The following DCTN3 variants were observed in gnomAD, a reference collection of about 807,000 sequenced individuals.
The protein encoded by DCTN3 is dynactin 3 (p22).
In DCTN3, 25 loss-of-function variants were observed where a neutral mutation model predicts 28.4. That is an observed-to-expected ratio of 0.88 (90% CI 0.64 to 1.23). The LOEUF is 1.23. DCTN3 is among the 50% of genes most tolerant of loss of function. The probability of loss-of-function intolerance (pLI) is 0.00; values close to 1 mark genes in which losing one functional copy is unlikely to be tolerated. For synonymous variants in DCTN3, 81 were observed against 91.4 expected (o/e 0.89, Z 0.65); for missense variants, 229 against 232.0 (o/e 0.99, Z 0.08).
intron 4 of DCTN3, 82 bp from the exon 5 acceptor site, chr9:34,614,850 G>T: frequency 6.5e-7 from 1 of 1,545,192 alleles, no homozygotes; most frequent in Non-Finnish European, 8.9e-7. Context: ...TCTTTGGCAG[G>T]ATTAGAGTAT....
chr9:34,620,168 C>T lies in DCTN3; in HGVS notation c.96+201G>A, dbSNP rs767055949. On this transcript the variant is annotated intron_variant, in intron 1 of 6. Transcript: ENST00000259632. ...AGCTACAGTAGGTACGGAGCCCACT[C>T]TCAGGCTGGCTTAACCACCCGCAGA... 4.5e-4 allele frequency among the ~76,000 whole-genome samples: 69 copies of T among 152,330 alleles called. No homozygotes were observed. Among genetic ancestry groups the T allele is most frequent in the Non-Finnish European group, 7.5e-4 (51 of 68,030 alleles).
intron 5 of DCTN3, 181 bp from the exon 6 acceptor site, chr9:34,614,282 C>T: frequency 7.0e-7 from 1 of 1,436,950 alleles, no homozygotes; most frequent in Non-Finnish European, 9.4e-7. Flanking sequence ...GGTGCCCTAA[C>T]AGCAGTCCAA....
In DCTN3 at chr9:34,618,734, C is replaced by A; in HGVS notation, c.123G>T (p.Gln41His). 6.2e-7 allele frequency: 1 copy of A among 1,614,200 alleles called. No individual in the cohort carries two copies. The highest frequency in any genetic ancestry group is 8.5e-7 in the Non-Finnish European group (1 of 1,180,024). Residue 41 changes from glutamine to histidine, a missense_variant, in exon 2 of 7, where the codon CAG becomes CAT. Gln to His is a conservative substitution (Grantham distance 24). Transcript: ENST00000259632. Reference protein sequence around the residue: ...RKVADGLVKVQVALGNISSKR... With the variant: ...RKVADGLVKVHVALGNISSKR... Reference sequence around the variant, plus strand: ...TGCTGGAAATGTTCCCCAAAGCCACCTGCACCTTGACCAGGCCGTCAGCCA... The same window carrying A: ...TGCTGGAAATGTTCCCCAAAGCCACATGCACCTTGACCAGGCCGTCAGCCA...
At chr9:34,615,846 A>G in intron 4 of DCTN3, 184 bp downstream of exon 4, 2 of 455,500 alleles carry the variant, frequency 4.4e-6, no homozygotes, top group Non-Finnish European at 7.9e-6. Flanking sequence ...GGTTGCAGTG[A>G]GTCAAGATCA....
intron 4 of DCTN3, chr9:34,615,012 A>G: frequency 3.7e-6 from 2 of 534,714 alleles, no homozygotes; most frequent in Admixed American, 3.4e-5. Context: ...TGGGGTTCCC[A>G]GTGTTGCTCC....
At chr9:34,620,286 TG>T in intron 1 of DCTN3, 82 bp downstream of exon 1, 1 of 1,204,658 alleles carries the variant, frequency 8.3e-7, no homozygotes. Flanking sequence ...AGAACAGGAC[TG>T]GAGCGGTTGC....
Position 34,620,434 on chromosome 9 carries a change from G to C in DCTN3, c.31C>G (p.Gln11Glu), listed in dbSNP as rs1355199599. The change falls in exon 1 of 7, where the codon CAG (glutamine) becomes GAG (glutamate). Residue 11 changes from glutamine (Q) to glutamate (E), a missense_variant. Gln to Glu is a conservative substitution (Grantham distance 29). Coordinates refer to ENST00000259632, the MANE Select transcript of DCTN3 (RefSeq NM_007234.5). ...CGCTCCAGCTCTTCCACTCGGGCCT[G>C]TAGCCGCTGCAAGTCAGTCAGACCC... is the stretch of plus-strand genomic sequence containing the variant. Reference protein sequence around the residue: MAGLTDLQRLQARVEELERWV... With the variant: MAGLTDLQRLEARVEELERWV... The C allele has an allele frequency of 1.3e-6, 2 of 1,557,970 alleles. No individual in the cohort carries two copies. Among genetic ancestry groups the C allele is most frequent in the Non-Finnish European group, 1.7e-6 (2 of 1,151,666 alleles).
At chr9:34,620,317 T>C (rs371035894) in intron 1 of DCTN3, 52 bp downstream of exon 1, 8 of 1,542,186 alleles carry the variant, frequency 5.2e-6, no homozygotes, top group East Asian at 2.3e-5. Flanking sequence ...GCCAGGACAG[T>C]GGACCGCTCT....
chr9:34,613,749 T>A lies in DCTN3; in HGVS notation c.*33A>T. 1 of 1,612,458 alleles carries A rather than the reference T, an allele frequency of 6.2e-7. No homozygotes were observed. The highest frequency in any genetic ancestry group is 1.1e-5 in the South Asian group (1 of 90,630). On this transcript the variant is annotated 3_prime_UTR_variant, in exon 7 of 7. Coordinates refer to ENST00000259632, the MANE Select transcript of DCTN3 (RefSeq NM_007234.5). ...TTGGCATAGGGCCCTGGAGCCTGAC[T>A]GCCCAGGCCCACTTTGGGATGGGGA...
chr9:34,617,535 C>T (rs1052024632), intron 3 of DCTN3: 40 of 740,576 alleles, frequency 5.4e-5, no homozygotes, highest in Non-Finnish European at 7.6e-5. Context: ...TCTCTCTGTT[C>T]TTTAATGGCA....
chr9:34,620,222 C>T, intron 1 of DCTN3, 147 bp downstream of exon 1: 1 of 718,410 alleles, frequency 1.4e-6, no homozygotes, highest in South Asian at 1.9e-5. Flanking sequence ...CCCCGATGGT[C>T]CAATCAGCTC....
chr9:34,617,090 C>T (rs1405628010), intron 3 of DCTN3, among the ~76,000 whole-genome samples: 1 of 152,192 alleles, frequency 6.6e-6, no homozygotes, highest in Non-Finnish European at 1.5e-5. Flanking sequence ...AATATCTAAA[C>T]TTGGTGCTTG....
At position 34,613,862 on chromosome 9, in the gene DCTN3, G is replaced by C; in HGVS notation, c.481C>G (p.Leu161Val). The change falls in exon 7 of 7, where the codon CTC becomes GTC. Residue 161 changes from leucine to valine, a missense_variant. Physicochemically the swap from Leu to Val is conservative, Grantham distance 32 (BLOSUM62 1). Transcript: ENST00000259632. ...LEEYNKTTML[L>V]SKQFVQWDEL... is the part of the protein sequence containing the mutation. Reference sequence around the variant, plus strand: ...TCCCACTGCACGAATTGCTTGGAGAGAAGCATTGTCTGGTTGTAGGTCAAG... The same window carrying C: ...TCCCACTGCACGAATTGCTTGGAGACAAGCATTGTCTGGTTGTAGGTCAAG... The C allele has an allele frequency of 6.2e-7, 1 of 1,614,178 alleles. No individual in the cohort carries two copies. The highest frequency in any genetic ancestry group is 8.5e-7 in the Non-Finnish European group (1 of 1,180,034).
chr9:34,614,689 T>C lies in DCTN3; in HGVS notation c.411+21A>G, dbSNP rs1473662980. On this transcript the variant is annotated intron_variant, in intron 5 of 6. Transcript: ENST00000259632. Reference sequence around the variant, plus strand: ...GCTGCGCCACCTCCATCTTCGCTTCTAGTCATCTCCCCTCCCATACCTGCT... The same window carrying C: ...GCTGCGCCACCTCCATCTTCGCTTCCAGTCATCTCCCCTCCCATACCTGCT... 3.1e-6 allele frequency: 5 copies of C among 1,613,970 alleles called. 1 individual carries two copies. The Admixed American group carries it at 8.3e-5, about 27-fold the overall frequency.
chr9:34,614,805 T>G (rs779461928), intron 4 of DCTN3, 37 bp from the exon 5 acceptor site: 1 of 1,613,036 alleles, frequency 6.2e-7, no homozygotes, highest in South Asian at 1.1e-5. Context: ...ATGATGCTTG[T>G]GCCCTCCCCC....
In DCTN3 at chr9:34,618,772, G is replaced by C. The variant is rs1820484114; in HGVS notation, c.97-12C>G. Reference sequence around the variant, plus strand: ...AGGCCGTCAGCCACCTGTAAGGGAAGTGGTGGTTAATTCCAAGATATACTA... The same window carrying C: ...AGGCCGTCAGCCACCTGTAAGGGAACTGGTGGTTAATTCCAAGATATACTA... On this transcript the variant is annotated splice_polypyrimidine_tract_variant and intron_variant, in intron 1 of 6. Transcript: ENST00000259632. 6.2e-7 allele frequency: 1 copy of C among 1,610,890 alleles called. No individual in the cohort carries two copies.
In DCTN3 at chr9:34,616,132, AG is replaced by A; in HGVS notation, c.269-20del. 1 of 1,608,146 alleles carries A rather than the reference AG, an allele frequency of 6.2e-7. No homozygotes were observed. The highest frequency in any genetic ancestry group is 1.1e-5 in the South Asian group (1 of 90,924). ...TGCTCCTCTAAAGCAAAAATGGACAAGATAGTTGCAGTGAAGCAAACCTGGG... is the reference window on the plus strand; with the variant it reads ...TGCTCCTCTAAAGCAAAAATGGACAAATAGTTGCAGTGAAGCAAACCTGGG... On this transcript the variant is annotated intron_variant, in intron 3 of 6. Transcript: ENST00000259632. This position sits in a 1 kb window ranked among gnomAD's most constrained non-coding sequence, Gnocchi z 4.7.
At position 34,614,774 on chromosome 9, in the gene DCTN3, A is replaced by G. The variant is rs1820385570; in HGVS notation, c.353-6T>C. ...GGCAGCATGCTCAGGAACGGCTGTA[A>G]AACACAACACACACTGCTGGATGAT... On this transcript the variant is annotated splice_region_variant and splice_polypyrimidine_tract_variant and intron_variant, in intron 4 of 6. Transcript: ENST00000259632. 1.2e-6 allele frequency: 2 copies of G among 1,613,910 alleles called. No homozygotes were observed.
Position 34,614,690 on chromosome 9 carries a change from A to C in DCTN3, c.411+20T>G. 1 of 1,613,950 alleles carries C rather than the reference A, an allele frequency of 6.2e-7. No homozygotes were observed. Among genetic ancestry groups the C allele is most frequent in the Non-Finnish European group, 8.5e-7 (1 of 1,179,994 alleles). On this transcript the variant is annotated intron_variant, in intron 5 of 6. Coordinates refer to ENST00000259632, the MANE Select transcript of DCTN3 (RefSeq NM_007234.5). The stretch of plus-strand genomic sequence containing the variant: ...CTGCGCCACCTCCATCTTCGCTTCT[A>C]GTCATCTCCCCTCCCATACCTGCTG...
Sources: allele counts gnomAD v4.1 joint callset (sites outside exome capture counted in the v4.1 genomes callset), GRCh38; gene constraint gnomAD v4.1.1; non-coding constraint Gnocchi (gnomAD v3.1); transcripts MANE v1.5; gene names NCBI Gene and HGNC (gene_info 2026-07-23, HGNC 2026-07-21).